Variants in DNASE1 observed in about 807,000 individuals in gnomAD.
DNASE1 encodes deoxyribonuclease 1, also known as deoxyribonuclease-1.
In DNASE1, 40 loss-of-function variants were observed where a neutral mutation model predicts 33.9. That is an observed-to-expected ratio of 1.18 (90% CI 0.92 to 1.54). DNASE1 has a LOEUF of 1.54. Among genes scored for constraint, DNASE1 ranks in the 40% most tolerant of loss-of-function variants. The pLI is 0.00. For missense variants in DNASE1, 518 were observed against 372.6 expected (o/e 1.39, Z -3.21); for synonymous variants, 216 against 160.0 (o/e 1.35, Z -2.64).
At chr16:3,662,906 C>T, downstream of DNASE1, 2 of 1,613,488 alleles carry the variant, frequency 1.2e-6, no homozygotes, top group Non-Finnish European at 1.7e-6. Context: ...CACGCGACCC[C>T]AGCACATTTC....
Position 3,663,570 on chromosome 16 carries a change from T to C in DNASE1, c.*5617T>C, listed in dbSNP as rs1395894638. On this transcript the variant is annotated 3_prime_UTR_variant, in exon 10 of 10. Coordinates refer to the DNASE1 transcript ENST00000407479. ...CTCAAAGCAGAAGAGAACCTGCAGG[T>C]GGCCAAGAGCAGCTCCATCAGACCC... 1.9e-6 allele frequency: 3 copies of C among 1,613,428 alleles called. No individual in the cohort carries two copies. The South Asian group carries it at 3.3e-5, about 18-fold the overall frequency.
At chr16:3,640,356 C>T (rs1391638630), upstream of DNASE1, among the ~76,000 whole-genome samples, 2 of 152,224 alleles carry the variant, frequency 1.3e-5, no homozygotes, top group Non-Finnish European at 2.9e-5. Context: ...CAGCCTTGGC[C>T]TCCCTGAGCT....
At chr16:3,628,604 C>G (rs2041595491) in intron 1 of DNASE1, among the ~76,000 whole-genome samples, 1 of 151,312 alleles carries the variant, frequency 6.6e-6, no homozygotes, top group East Asian at 2.0e-4. Context: ...GTCGCCCAGG[C>G]TGGAGTGCAG....
At chr16:3,619,105 G>T (rs1260168087) in intron 1 of DNASE1, among the ~76,000 whole-genome samples, 1 of 151,936 alleles carries the variant, frequency 6.6e-6, no homozygotes, top group East Asian at 1.9e-4. Flanking sequence ...GGCAATCTCA[G>T]CTCACTGCAA....
upstream of DNASE1, among the ~76,000 whole-genome samples, chr16:3,642,077 C>A (rs2151192664): frequency 6.6e-6 from 1 of 152,330 alleles, no homozygotes; most frequent in African/African-American, 2.4e-5. Flanking sequence ...CTAGTGCAGA[C>A]TAGCACAGAG....
intron 1 of DNASE1, among the ~76,000 whole-genome samples, chr16:3,620,230 C>G (rs1423629525): frequency 6.6e-6 from 1 of 152,122 alleles, no homozygotes; most frequent in Non-Finnish European, 1.5e-5. Context: ...TATGGCTTTT[C>G]TTTTAAAAAG....
chr16:3,662,430 C>T (rs1479433447), downstream of DNASE1: 7 of 554,550 alleles, frequency 1.3e-5, no homozygotes, highest in Non-Finnish European at 2.3e-5. Context: ...GCATGAGGCC[C>T]CTTCCTCCAA....
At chr16:3,644,858 G>A (rs1356929176) in intron 1 of DNASE1, among the ~76,000 whole-genome samples, 2 of 152,174 alleles carry the variant, frequency 1.3e-5, no homozygotes, top group Admixed American at 1.3e-4. Flanking sequence ...GCTTGGCATG[G>A]TGGCTCACGC....
chr16:3,619,091 G>A (rs1044956156), intron 1 of DNASE1, among the ~76,000 whole-genome samples: 1 of 151,844 alleles, frequency 6.6e-6, no homozygotes, highest in Non-Finnish European at 1.5e-5. Flanking sequence ...ATGGAGTGCA[G>A]TGGGGCAATC....
At chr16:3,638,748 C>T (rs1159413838), upstream of DNASE1, among the ~76,000 whole-genome samples, 1 of 152,172 alleles carries the variant, frequency 6.6e-6, no homozygotes, top group Non-Finnish European at 1.5e-5. Flanking sequence ...TGTTTTTCTT[C>T]TAGGACTTCC....
At chr16:3,644,610 C>G (rs1371589577) in intron 1 of DNASE1, among the ~76,000 whole-genome samples, 1 of 151,908 alleles carries the variant, frequency 6.6e-6, no homozygotes, top group Non-Finnish European at 1.5e-5. Context: ...TGGCACATGC[C>G]TGTGGTCCCA....
At chr16:3,656,937 T>A (rs756368048) in intron 5 of DNASE1, 62 bp from the exon 6 acceptor site, 1 of 1,587,208 alleles carries the variant, frequency 6.3e-7, no homozygotes, top group Non-Finnish European at 8.6e-7. Context: ...TAGTTCCAGC[T>A]GACATGGTGA....
At chr16:3,643,250 A>G (rs1173476879) in intron 1 of DNASE1, among the ~76,000 whole-genome samples, 4 of 152,264 alleles carry the variant, frequency 2.6e-5, no homozygotes, top group Non-Finnish European at 4.4e-5. Context: ...GAGCCAGAGA[A>G]GAGAGACGGA....
At chr16:3,635,457 CAAAAA>C (rs753495578) in intron 1 of DNASE1, among the ~76,000 whole-genome samples, 14 of 59,692 alleles carry the variant, frequency 2.3e-4, no homozygotes, top group East Asian at 9.8e-4. Flanking sequence ...GACTCTGTCT[CAAAAA>C]AAAAAAAAAA....
chr16:3,663,453 T>C lies in DNASE1; in HGVS notation c.*5500T>C. 3 of 1,614,138 alleles carry C rather than the reference T, an allele frequency of 1.9e-6. No homozygotes were observed. The South Asian group carries it at 3.3e-5, about 18-fold the overall frequency. On this transcript the variant is annotated 3_prime_UTR_variant, in exon 10 of 10. Transcript: ENST00000407479. ...GGACCTGTCCTCAAACTTCTCCTCC[T>C]TGTAGTGATCCACGACTATGTCCGT...
chr16:3,625,980 G>C (rs761287886), intron 1 of DNASE1, among the ~76,000 whole-genome samples: 27 of 152,206 alleles, frequency 1.8e-4, no homozygotes, highest in Non-Finnish European at 3.7e-4. Context: ...TGCGCCTGTA[G>C]TCCCAGCTAC....
Position 3,656,717 on chromosome 16 carries a change from G to C in DNASE1, c.400G>C (p.Glu134Gln), listed in dbSNP as rs2042667299. 6.2e-7 allele frequency: 1 copy of C among 1,612,714 alleles called. No homozygotes were observed. Among genetic ancestry groups the C allele is most frequent in the Non-Finnish European group, 8.5e-7 (1 of 1,179,414 alleles). ...CTGCGGGAACGACACCTTCAACCGA[G>C]AGCCAGCCATTGTCAGGTTCTTCTC... The part of the protein sequence containing the change: ...EPCGNDTFNR[E>Q]PAIVRFFSRF... The change falls in exon 5 of 9, where the codon GAG (glutamate) becomes CAG (glutamine). Residue 134 changes from glutamate to glutamine, a missense_variant. By Grantham distance (29) the Glu-to-Gln change is conservative. Transcript: ENST00000246949.
rs148373909 is a variant in DNASE1 at position 3,657,256 on chromosome 16, C to T, written c.619C>T (p.Arg207Cys). 1.3e-3 allele frequency: 2,142 copies of T among 1,614,008 alleles called. 9 individuals carry two copies. The highest frequency in any genetic ancestry group is 3.5e-3 in the South Asian group (315 of 91,084). ...GAGACCCTCCCAGTGGTCATCCATC[C>T]GCCTGTGGACAAGCCCCACCTTCCA... The part of the protein sequence containing the change: ...YVRPSQWSSI[R>C]LWTSPTFQWL... The change falls in exon 7 of 9, where the codon CGC (arginine) becomes TGC (cysteine). Residue 207 changes from arginine to cysteine, a missense_variant. Coordinates refer to ENST00000246949, the MANE Select transcript of DNASE1 (RefSeq NM_005223.4).
At chr16:3,625,877 A>T (rs545335698) in intron 1 of DNASE1, among the ~76,000 whole-genome samples, 34 of 152,340 alleles carry the variant, frequency 2.2e-4, no homozygotes, top group Admixed American at 1.6e-3. Flanking sequence ...AGGCAGAAGG[A>T]TCGCTTTAGC....
Sources: gnomAD v4.1 joint callset for allele counts (sites outside exome capture counted in the v4.1 genomes callset) on GRCh38, gnomAD v4.1.1 for gene constraint, MANE v1.5 for transcripts, NCBI Gene and HGNC (gene_info 2026-07-23, HGNC 2026-07-21) for gene names.